FNDC7: variants seen among roughly 807,000 people sequenced by gnomAD.
FNDC7 encodes the protein fibronectin type III domain-containing protein 7.
In FNDC7, 66 loss-of-function variants were observed where a neutral mutation model predicts 74.2. That is an observed-to-expected ratio of 0.89 (90% CI 0.73 to 1.09). The LOEUF (loss-of-function observed/expected upper bound fraction) is 1.09, where lower values mean the gene tolerates loss of function less well. Among genes scored for constraint, FNDC7 ranks in the 50% least tolerant of loss-of-function variants. The probability of loss-of-function intolerance (pLI) is 0.00; values close to 1 mark genes in which losing one functional copy is unlikely to be tolerated. For missense variants in FNDC7, 829 were observed against 893.4 expected (o/e 0.93, Z 0.92); for synonymous variants, 307 against 330.2 (o/e 0.93, Z 0.76).
chr1:108,714,676 T>C (rs1444563363), intron 2 of FNDC7, among the ~76,000 whole-genome samples: 2 of 140,988 alleles, frequency 1.4e-5, no homozygotes, highest in Non-Finnish European at 3.0e-5. Context: ...GCAATCTCGG[T>C]TCACTGCAAG....
chr1:108,740,318 CTTTTTTTTTTT>C (rs567191029), intron 11 of FNDC7, among the ~76,000 whole-genome samples: 1 of 68,864 alleles, frequency 1.5e-5, no homozygotes, highest in Non-Finnish European at 2.6e-5. Flanking sequence ...GCTTTTCAAA[CTTTTTTTTTTT>C]TTTTTTTTTT....
chr1:108,716,809 G>A (rs1284990863), intron 2 of FNDC7, among the ~76,000 whole-genome samples: 2 of 152,034 alleles, frequency 1.3e-5, no homozygotes, highest in Middle Eastern at 3.4e-3. Context: ...TTTTGAATTT[G>A]ACATATAGTG....
chr1:108,741,649 G>C, intron 11 of FNDC7, 124 bp from the exon 12 acceptor site: 1 of 965,212 alleles, frequency 1.0e-6, no homozygotes, highest in Admixed American at 2.1e-5. Context: ...TACTTGCCGT[G>C]AAGTGCTGCA....
intron 5 of FNDC7, 150 bp downstream of exon 5, chr1:108,722,742 T>C (rs2101080344): frequency 2.1e-6 from 2 of 967,344 alleles, no homozygotes; most frequent in Non-Finnish European, 2.8e-6. Flanking sequence ...TTCTCATGAG[T>C]TTGAATAATA....
chr1:108,740,165 A>G (rs938173626), intron 11 of FNDC7, among the ~76,000 whole-genome samples: 2 of 151,930 alleles, frequency 1.3e-5, no homozygotes, highest in East Asian at 1.9e-4. Context: ...CAATTTCAGC[A>G]TTTCCCCTCC....
chr1:108,739,345 A>G (rs1195545992), intron 11 of FNDC7, among the ~76,000 whole-genome samples: 1 of 152,110 alleles, frequency 6.6e-6, no homozygotes, highest in African/African-American at 2.4e-5. Flanking sequence ...AAGTGTAAAT[A>G]AAGTAGCCAG....
rs1203936889 is a variant in FNDC7, at chr1:108,725,779, CAAG to C, written c.891_893del (p.Glu297del). The C allele has an allele frequency of 1.2e-6, 2 of 1,613,978 alleles. No homozygotes were observed. Among genetic ancestry groups the C allele is most frequent in the African/African-American group, 2.7e-5 (2 of 74,916 alleles). On this transcript the variant is annotated inframe_deletion, in exon 6 of 13. Coordinates refer to ENST00000370017, the MANE Select transcript of FNDC7 (RefSeq NM_001144937.3). ...TTGTGCACCCGGAAGAGTGACGATC[CAAG>C]AAGATCCCCCTGGCCACCTGTCTGT...
intron 11 of FNDC7, among the ~76,000 whole-genome samples, chr1:108,739,719 C>T (rs905286848): frequency 6.6e-6 from 1 of 152,154 alleles, no homozygotes; most frequent in African/African-American, 2.4e-5. Flanking sequence ...CCATCAGGTT[C>T]CCAGGTGATT....
chr1:108,741,688 TA>T (rs1454064585), intron 11 of FNDC7, 84 bp from the exon 12 acceptor site: 2 of 1,399,694 alleles, frequency 1.4e-6, no homozygotes, highest in Non-Finnish European at 2.0e-6. Context: ...AACATACACA[TA>T]AAATCTCAGA....
intron 11 of FNDC7, among the ~76,000 whole-genome samples, chr1:108,740,066 CA>C (rs1320134657): frequency 6.7e-6 from 1 of 150,202 alleles, no homozygotes; most frequent in Non-Finnish European, 1.5e-5. Flanking sequence ...CAAGGCCCTC[CA>C]AAAACAAGAG....
intron 11 of FNDC7, among the ~76,000 whole-genome samples, chr1:108,738,525 T>G (rs1661567167): frequency 6.6e-6 from 1 of 151,574 alleles, no homozygotes; most frequent in Non-Finnish European, 1.5e-5. Flanking sequence ...ACTACAGAAC[T>G]TCTCTCCCGC....
At chr1:108,728,112 C>T (rs1661261392) in intron 7 of FNDC7, 47 bp downstream of exon 7, 2 of 1,587,654 alleles carry the variant, frequency 1.3e-6, no homozygotes, top group Admixed American at 1.7e-5. Flanking sequence ...AATGATTCAC[C>T]CCAGCTCTGA....
At chr1:108,741,884 T>A in intron 12 of FNDC7, 41 bp from the exon 13 acceptor site, 2 of 1,428,762 alleles carry the variant, frequency 1.4e-6, no homozygotes, top group South Asian at 2.4e-5. Context: ...ATGGCAAAGT[T>A]TTTTGTCTTT....
At position 108,727,964 on chromosome 1, in the gene FNDC7, T is replaced by A. The variant is rs752385901; in HGVS notation, c.1268T>A (p.Leu423His). The A allele has an allele frequency of 5.6e-6, 9 of 1,614,074 alleles. No individual in the cohort carries two copies. The East Asian group carries it at 1.8e-4, about 32-fold the overall frequency. ...ECNDTTPACT[L>H]SALECDTKYN... ...AATGACACTACTCCTGCGTGCACCCTTTCGGCTCTAGAGTGTGACACCAAG... is the reference window on the plus strand; with the variant it reads ...AATGACACTACTCCTGCGTGCACCCATTCGGCTCTAGAGTGTGACACCAAG... The change falls in exon 7 of 13, where the codon CTT becomes CAT. Residue 423 changes from leucine (L) to histidine (H), a missense_variant. Leu to His is a moderately conservative substitution (Grantham distance 99, BLOSUM62 -3). Transcript: ENST00000370017.
At chr1:108,728,579 C>T in intron 7 of FNDC7, 53 bp from the exon 8 acceptor site, 1 of 1,602,952 alleles carries the variant, frequency 6.2e-7, no homozygotes, top group Non-Finnish European at 8.5e-7. Flanking sequence ...CCAAATGGCA[C>T]ATGTGATATT....
In FNDC7 at chr1:108,728,748, G is replaced by A. The variant is rs1216706455; in HGVS notation, c.1486G>A (p.Gly496Arg). The change falls in exon 8 of 13, where the codon GGA becomes AGA. Residue 496 changes from glycine to arginine, a missense_variant. Physicochemically the swap from Gly to Arg is moderately radical, Grantham distance 125. Transcript: ENST00000370017. ...CACGGTGACTGCCCAAGGGGAGAAAGGACTGTATCAGTGCAGCAGCACAGG... is the reference window on the plus strand; with the variant it reads ...CACGGTGACTGCCCAAGGGGAGAAAAGACTGTATCAGTGCAGCAGCACAGG... The part of the protein sequence containing the change: ...TYTVTAQGEK[G>R]LYQCSSTGES... 6.2e-7 allele frequency: 1 copy of A among 1,614,258 alleles called. No individual in the cohort carries two copies. Among genetic ancestry groups the A allele is most frequent in the Non-Finnish European group, 8.5e-7 (1 of 1,180,022 alleles).
chr1:108,728,742 G>T lies in FNDC7; in HGVS notation c.1480G>T (p.Glu494Ter), dbSNP rs541856777. Residue 494 changes from glutamate (E) to a stop codon, truncating the protein, a stop_gained, in exon 8 of 13, where the codon GAG becomes TAG. Coordinates refer to ENST00000370017, the MANE Select transcript of FNDC7 (RefSeq NM_001144937.3). LOFTEE classifies it high-confidence loss of function. ...TACTTACACGGTGACTGCCCAAGGG[G>T]AGAAAGGACTGTATCAGTGCAGCAG... ...DATYTVTAQG[E>*]KGLYQCSSTG... 5 of 1,614,270 alleles carry T rather than the reference G, an allele frequency of 3.1e-6. No homozygotes were observed. The highest frequency in any genetic ancestry group is 4.2e-6 in the Non-Finnish European group (5 of 1,180,044).
At chr1:108,738,684 G>A (rs559600936) in intron 11 of FNDC7, among the ~76,000 whole-genome samples, 1 of 152,100 alleles carries the variant, frequency 6.6e-6, no homozygotes, top group Non-Finnish European at 1.5e-5. Flanking sequence ...GGCAGGAACT[G>A]GGTCTAGAGT....
intron 2 of FNDC7, among the ~76,000 whole-genome samples, chr1:108,716,015 A>G (rs1228872332): frequency 2.0e-5 from 3 of 152,106 alleles, no homozygotes; most frequent in Non-Finnish European, 4.4e-5. Flanking sequence ...GATCAATTCC[A>G]TGAGGCCAGT....
Sources: allele counts gnomAD v4.1 joint callset (sites outside exome capture counted in the v4.1 genomes callset), GRCh38; gene constraint gnomAD v4.1.1; transcripts MANE v1.5; gene names NCBI Gene and HGNC (gene_info 2026-07-23, HGNC 2026-07-21).